The following METTL14 variants were observed in gnomAD, a reference collection of about 807,000 sequenced individuals.
METTL14 encodes the protein N(6)-adenosine-methyltransferase non-catalytic subunit METTL14.
In METTL14, 32 loss-of-function variants were observed where a neutral mutation model predicts 62.4. That is an observed-to-expected ratio of 0.51 (90% CI 0.39 to 0.69). The LOEUF (loss-of-function observed/expected upper bound fraction) is 0.69. METTL14 is among the 30% of genes least tolerant of loss of function. The pLI, the probability that METTL14 is intolerant of heterozygous loss-of-function variation, is 0.00. For missense variants in METTL14, 340 were observed against 551.9 expected, an observed-to-expected ratio of 0.62 and a Z score of 3.85; for synonymous variants, 150 against 180.0, an observed-to-expected ratio of 0.83 and a Z score of 1.34.
In METTL14 at chr4:118,715,386, T is replaced by C. The variant is rs1015253425; in HGVS notation, c.*5084T>C. 1 of 152,270 alleles carries C rather than the reference T, an allele frequency of 6.6e-6. No individual in the cohort carries two copies. Among genetic ancestry groups the C allele is most frequent in the Non-Finnish European group, 1.5e-5 (1 of 68,048 alleles). The allele number at this position is 152,270 out of a possible 1,614,324, so 9.4% of individuals were successfully genotyped here. ...GAATTAGCTGTCACTTTATAGTTTA[T>C]GTATTGTGGTGGGTACCTTAATAAT... is the stretch of plus-strand genomic sequence containing the variant. On this transcript the variant is annotated 3_prime_UTR_variant, in exon 11 of 11. Transcript: ENST00000388822.
In METTL14 at chr4:118,710,507, T is replaced by G. The variant is rs1483766597; in HGVS notation, c.*205T>G. ...TTCAGGATAAATGAATGATTCTGCC[T>G]TTTGTTATGTGCGTGAACAGAATGG... is the stretch of plus-strand genomic sequence containing the variant. On this transcript the variant is annotated 3_prime_UTR_variant, in exon 11 of 11. Coordinates refer to ENST00000388822, the MANE Select transcript of METTL14 (RefSeq NM_020961.4). The G allele has an allele frequency of 5.5e-6, 3 of 549,992 alleles. No individual in the cohort carries two copies. Among genetic ancestry groups the G allele is most frequent in the Non-Finnish European group, 9.6e-6 (3 of 312,896 alleles). 34.1% of individuals were successfully genotyped at this position (549,992 alleles called of 1,614,324 possible).
rs1349355892 is a variant in METTL14 at position 118,711,485 on chromosome 4, T to C, written c.*1183T>C. On this transcript the variant is annotated 3_prime_UTR_variant, in exon 11 of 11. Coordinates refer to ENST00000388822, the MANE Select transcript of METTL14 (RefSeq NM_020961.4). ...CTGTTTTCTATAAGTAGAATTACTG[T>C]TGTTACAAAATGAAAAAGGACTGAC... is the stretch of plus-strand genomic sequence containing the variant. The C allele has an allele frequency of 4.6e-5, 7 of 152,210 alleles. No individual in the cohort carries two copies. The highest frequency in any genetic ancestry group is 1.0e-4 in the Non-Finnish European group (7 of 68,046). The allele number at this position is 152,210 out of a possible 1,614,324, so 9.4% of individuals were successfully genotyped here.
intron 1 of METTL14, among the ~76,000 whole-genome samples, chr4:118,687,220 G>T (rs866000601): frequency 6.6e-6 from 1 of 152,222 alleles, no homozygotes; most frequent in Middle Eastern, 3.4e-3. Context: ...TCAGGATTTG[G>T]AATATTTGCA....
At position 118,715,172 on chromosome 4, in the gene METTL14, A is replaced by T. The variant is rs1210933320; in HGVS notation, c.*4870A>T. 3 of 152,202 alleles carry T rather than the reference A, an allele frequency of 2.0e-5. No individual in the cohort carries two copies. The highest frequency in any genetic ancestry group is 7.2e-5 in the African/African-American group (3 of 41,454). The allele number at this position is 152,202 out of a possible 1,614,324, so 9.4% of individuals were successfully genotyped here. ...AAAATACACCTTTTAGATAATCCTT[A>T]CCTGTACAGATTTTTATAACTGTTG... On this transcript the variant is annotated 3_prime_UTR_variant, in exon 11 of 11. Transcript: ENST00000388822.
intron 5 of METTL14, 99 bp downstream of exon 5, chr4:118,692,167 G>C (rs1274106363): frequency 1.4e-6 from 1 of 730,818 alleles, no homozygotes; most frequent in African/African-American, 1.9e-5. Context: ...TATTTCTCCA[G>C]CTTGACATCT....
chr4:118,703,536 C>A (rs1724666941), intron 8 of METTL14, among the ~76,000 whole-genome samples: 1 of 152,154 alleles, frequency 6.6e-6, no homozygotes. Context: ...TAGTATGTAG[C>A]TTTGTCAGAG....
rs562357971 is a variant in METTL14, at chr4:118,689,882, C to T, written c.243+425C>T. On this transcript the variant is annotated intron_variant, in intron 3 of 10. Transcript: ENST00000388822. Reference sequence around the variant, plus strand: ...CTTGATCTCTTTACCTGGTGATCCACCTGCCTTGGCCTCCCAAAGTGCTGG... The same window carrying T: ...CTTGATCTCTTTACCTGGTGATCCATCTGCCTTGGCCTCCCAAAGTGCTGG... 3.2e-4 allele frequency among the ~76,000 whole-genome samples: 48 copies of T among 152,034 alleles called. 1 individual carries two copies. The South Asian group carries it at 9.8e-3, about 31-fold the overall frequency.
intron 6 of METTL14, among the ~76,000 whole-genome samples, chr4:118,695,980 C>T (rs1219817014): frequency 6.6e-6 from 1 of 151,414 alleles, no homozygotes; most frequent in Non-Finnish European, 1.5e-5. Flanking sequence ...TGTGGTGGCG[C>T]ACACCTGTAG....
In METTL14 at chr4:118,696,147, T is replaced by G. The variant is rs13435507; in HGVS notation, c.504-1035T>G. Among the ~76,000 whole-genome samples the G allele has an allele frequency of 6.5e-3, 717 of 110,026 alleles. 9 individuals are homozygous for G. The highest frequency in any genetic ancestry group is 0.019 in the African/African-American group (659 of 34,790). The allele number at this position is 110,026 out of a possible 152,430, so 72.2% of individuals were successfully genotyped here. A position where few individuals can be genotyped will look rare whatever the true frequency, so the allele number is the denominator to read the frequency against. On this transcript the variant is annotated intron_variant, in intron 6 of 10. Coordinates refer to ENST00000388822, the MANE Select transcript of METTL14 (RefSeq NM_020961.4). The stretch of plus-strand genomic sequence containing the variant: ...AAAAAAAAAAAAAAAAAAAAAAAAT[T>G]GTATTCTGTAAGTCATTAGAAGCAC...
chr4:118,702,906 T>C (rs994850836), intron 8 of METTL14, among the ~76,000 whole-genome samples: 2 of 149,714 alleles, frequency 1.3e-5, no homozygotes, highest in African/African-American at 4.9e-5. Context: ...CAACAGGATT[T>C]CCTGTGGTGG....
Position 118,685,424 on chromosome 4 carries a change from C to G in METTL14, c.-111C>G, listed in dbSNP as rs570564444. 4.3e-5 allele frequency: 47 copies of G among 1,092,572 alleles called. No individual in the cohort carries two copies. The Admixed American group carries it at 4.3e-4, about 10-fold the overall frequency. The allele number at this position is 1,092,572 out of a possible 1,614,324, so 67.7% of individuals were successfully genotyped here. A position where few individuals can be genotyped will look rare whatever the true frequency, so the allele number is the denominator to read the frequency against. On this transcript the variant is annotated 5_prime_UTR_variant, in exon 1 of 11. Transcript: ENST00000388822. ...TACTGAGGAAAGCTATGAGGATACTCTGTTCGTAAGCTCCCGGTGAATTTT... is the reference window on the plus strand; with the variant it reads ...TACTGAGGAAAGCTATGAGGATACTGTGTTCGTAAGCTCCCGGTGAATTTT...
chr4:118,693,495 T>C lies in METTL14; in HGVS notation c.413-941T>C, dbSNP rs1006335245. Among the ~76,000 whole-genome samples, 3 of 152,318 alleles carry C rather than the reference T, an allele frequency of 2.0e-5. No individual in the cohort carries two copies. In the East Asian group the frequency reaches 5.8e-4, roughly 29 times the overall value. ...GGGTGACTTTCTTGATAGTATATTT[T>C]GTAGCACAAACATTCTATTTTTGAT... is the stretch of plus-strand genomic sequence containing the variant. On this transcript the variant is annotated intron_variant, in intron 5 of 10. Coordinates refer to ENST00000388822, the MANE Select transcript of METTL14 (RefSeq NM_020961.4).
At chr4:118,692,289 ATC>A (rs1724273929) in intron 5 of METTL14, among the ~76,000 whole-genome samples, 1 of 138,428 alleles carries the variant, frequency 7.2e-6, no homozygotes, top group Non-Finnish European at 1.5e-5. Context: ...CAGTGGGGTG[ATC>A]TCTCTTGGCT....
chr4:118,708,237 C>G (rs1314354747), intron 10 of METTL14, among the ~76,000 whole-genome samples: 1 of 152,164 alleles, frequency 6.6e-6, no homozygotes, highest in Admixed American at 6.5e-5. Flanking sequence ...ACTTCTATAG[C>G]CAGTTTACTC....
intron 10 of METTL14, among the ~76,000 whole-genome samples, chr4:118,707,883 G>A (rs1431039426): frequency 4.6e-5 from 7 of 150,602 alleles, no homozygotes; most frequent in Non-Finnish European, 1.0e-4. Context: ...GTTCAGGCTG[G>A]AGTGCAGTGG....
chr4:118,705,503 G>T (rs1439751816), intron 9 of METTL14, 108 bp from the exon 10 acceptor site: 7 of 920,406 alleles, frequency 7.6e-6, no homozygotes, highest in Non-Finnish European at 1.2e-5. Flanking sequence ...GTATCCCAAA[G>T]ATTCCGAGAA....
Position 118,710,472 on chromosome 4 carries a change from T to C in METTL14, c.*170T>C, listed in dbSNP as rs114039398. 30,085 of 649,554 alleles carry C rather than the reference T, an allele frequency of 0.046. 1,044 individuals carry two copies. The highest frequency in any genetic ancestry group is 0.06 in the Non-Finnish European group (23,432 of 388,784). 40.2% of individuals were successfully genotyped at this position (649,554 alleles called of 1,614,324 possible). A position where few individuals can be genotyped will look rare whatever the true frequency, so the allele number is the denominator to read the frequency against. On this transcript the variant is annotated 3_prime_UTR_variant, in exon 11 of 11. Coordinates refer to ENST00000388822, the MANE Select transcript of METTL14 (RefSeq NM_020961.4). Reference sequence around the variant, plus strand: ...TTGCTTGCAGTTGTCACACACACTGTCTGGTTTTTTTCAGGATAAATGAAT... The same window carrying C: ...TTGCTTGCAGTTGTCACACACACTGCCTGGTTTTTTTCAGGATAAATGAAT...
chr4:118,709,918 G>C (rs1724867300), intron 10 of METTL14, 80 bp from the exon 11 acceptor site: 2 of 1,337,916 alleles, frequency 1.5e-6, no homozygotes, highest in Non-Finnish European at 2.1e-6. Context: ...AGAATGCATT[G>C]GGGATTTGAA....
At chr4:118,701,683 C>T (rs1724593618) in intron 8 of METTL14, among the ~76,000 whole-genome samples, 3 of 152,080 alleles carry the variant, frequency 2.0e-5, no homozygotes, top group East Asian at 3.9e-4. Flanking sequence ...GTTGACACTT[C>T]GTTTTTATGA....
Sources: allele counts gnomAD v4.1 joint callset (sites outside exome capture counted in the v4.1 genomes callset), GRCh38; gene constraint gnomAD v4.1.1; transcripts MANE v1.5; gene names NCBI Gene and HGNC (gene_info 2026-07-23, HGNC 2026-07-21).